Variants in DPP10 observed in about 807,000 individuals in gnomAD.
DPP10 encodes inactive dipeptidyl peptidase 10.
A neutral mutation model predicts 120.9 loss-of-function variants in DPP10; 33 were observed. The ratio of observed to expected loss-of-function variants is 0.27; its 90% confidence interval spans 0.21 to 0.37. The LOEUF (loss-of-function observed/expected upper bound fraction) is 0.37, where lower values mean the gene tolerates loss of function less well. Ranked by LOEUF, DPP10 falls within the 10% of genes least tolerant of loss-of-function variation. The pLI is 1.00. For synonymous variants in DPP10, 337 were observed against 326.1 expected (o/e 1.03, Z -0.36); for missense variants, 816 against 942.8 (o/e 0.87, Z 1.76).
chr2:115,250,590 C>T (rs770588381), intron 1 of DPP10, among the ~76,000 whole-genome samples: 6 of 152,004 alleles, frequency 3.9e-5, no homozygotes, highest in East Asian at 1.9e-4. Context: ...GCTCATAGTA[C>T]GGTTACATTA....
At chr2:115,384,888 G>C (rs565083292) in intron 3 of DPP10, among the ~76,000 whole-genome samples, 162 of 152,302 alleles carry the variant, frequency 1.1e-3, no homozygotes, top group African/African-American at 3.7e-3. Context: ...TATTGTGGGA[G>C]GGACCCAGTG....
At chr2:115,338,839 A>T (rs900828799) in intron 2 of DPP10, among the ~76,000 whole-genome samples, 1 of 152,188 alleles carries the variant, frequency 6.6e-6, no homozygotes, top group Non-Finnish European at 1.5e-5. Flanking sequence ...AAATAAAACT[A>T]TAACATTTTT....
At chr2:115,034,260 C>T (rs185088471) in intron 1 of DPP10, among the ~76,000 whole-genome samples, 85 of 152,126 alleles carry the variant, frequency 5.6e-4, no homozygotes, top group Non-Finnish European at 1.5e-4. Flanking sequence ...CTTTCTATGT[C>T]AGTTCATTTA....
At chr2:114,620,465 T>G (rs144566752) in intron 1 of DPP10, among the ~76,000 whole-genome samples, 1 of 152,138 alleles carries the variant, frequency 6.6e-6, no homozygotes, top group African/African-American at 2.4e-5. Context: ...TGGACTGACA[T>G]TATGATGGTT....
At chr2:115,464,729 C>T (rs913720945) in intron 3 of DPP10, among the ~76,000 whole-genome samples, 2 of 152,072 alleles carry the variant, frequency 1.3e-5, no homozygotes, top group Non-Finnish European at 2.9e-5. Context: ...GGGATGGATT[C>T]CAGACAGGTA....
chr2:115,717,844 A>G (rs1454203495), intron 7 of DPP10, among the ~76,000 whole-genome samples: 1 of 152,118 alleles, frequency 6.6e-6, no homozygotes, highest in Non-Finnish European at 1.5e-5. Context: ...CAGTTTTATT[A>G]TCTCAAAATT....
intron 1 of DPP10, among the ~76,000 whole-genome samples, chr2:115,267,678 A>T (rs1452440440): frequency 1.3e-5 from 2 of 151,866 alleles, no homozygotes; most frequent in Non-Finnish European, 2.9e-5. Context: ...GCATTTGTTT[A>T]TGCAGTTTCT....
intron 5 of DPP10, among the ~76,000 whole-genome samples, chr2:115,685,272 C>G (rs973926814): frequency 6.6e-6 from 1 of 151,920 alleles, no homozygotes. Flanking sequence ...GTTTGACACA[C>G]TAGCTGTATT....
At chr2:115,809,346 T>C (rs928253507) in intron 19 of DPP10, among the ~76,000 whole-genome samples, 1 of 152,210 alleles carries the variant, frequency 6.6e-6, no homozygotes, top group Non-Finnish European at 1.5e-5. Context: ...ATTATAAATC[T>C]CTATAAAGTA....
At chr2:114,659,297 C>G (rs1165340940) in intron 1 of DPP10, among the ~76,000 whole-genome samples, 1 of 151,430 alleles carries the variant, frequency 6.6e-6, no homozygotes, top group African/African-American at 2.4e-5. Flanking sequence ...TGAGAAGAGG[C>G]CGTGGATAAT....
At chr2:115,370,960 A>G (rs1206240419) in intron 3 of DPP10, among the ~76,000 whole-genome samples, 1 of 152,112 alleles carries the variant, frequency 6.6e-6, no homozygotes, top group East Asian at 1.9e-4. Flanking sequence ...AAAACAAAAT[A>G]ACTCCCATTT....
At chr2:114,885,218 C>T (rs1297225448) in intron 1 of DPP10, among the ~76,000 whole-genome samples, 1 of 152,114 alleles carries the variant, frequency 6.6e-6, no homozygotes, top group Admixed American at 6.5e-5. Context: ...ACAATCACGG[C>T]AGAAGCCAAA....
chr2:115,201,723 C>G lies in DPP10; in HGVS notation c.61-107516C>G, dbSNP rs550241708. On this transcript the variant is annotated intron_variant, in intron 1 of 25. Transcript: ENST00000410059. ...ATCCTTTCTTGAAAAATGACTCCAC[C>G]TCCTGCTCTGTATGTGCTCCCAGCC... 8.5e-5 allele frequency among the ~76,000 whole-genome samples: 13 copies of G among 152,278 alleles called. No homozygotes were observed. The East Asian group carries it at 1.7e-3, about 20-fold the overall frequency.
At chr2:115,198,926 TA>T (rs2055488388) in intron 1 of DPP10, among the ~76,000 whole-genome samples, 1 of 152,190 alleles carries the variant, frequency 6.6e-6, no homozygotes, top group African/African-American at 2.4e-5. Context: ...CCTTTTCTTC[TA>T]ATTCTTTGCC....
chr2:114,555,186 G>C (rs1688190115), intron 1 of DPP10, among the ~76,000 whole-genome samples: 2 of 152,314 alleles, frequency 1.3e-5, no homozygotes, highest in South Asian at 4.1e-4. Context: ...CAATAGTGAT[G>C]TGTTTCTGTG....
chr2:114,967,037 G>C (rs372177673), intron 1 of DPP10, among the ~76,000 whole-genome samples: 60 of 151,846 alleles, frequency 4.0e-4, no homozygotes, highest in Admixed American at 1.7e-3. Flanking sequence ...AGCAAAACTC[G>C]GTCCCAAAAA....
At chr2:114,493,016 C>T (rs891831615) in intron 1 of DPP10, among the ~76,000 whole-genome samples, 1 of 152,116 alleles carries the variant, frequency 6.6e-6, no homozygotes, top group Non-Finnish European at 1.5e-5. Context: ...TAGAAAGCTC[C>T]TGTGCTCCAG....
At chr2:114,774,610 A>G (rs986136315) in intron 1 of DPP10, among the ~76,000 whole-genome samples, 4 of 149,642 alleles carry the variant, frequency 2.7e-5, no homozygotes, top group African/African-American at 9.8e-5. Flanking sequence ...ATCACTGTTC[A>G]GAAGTTAACT....
At chr2:115,115,261 G>A (rs2049442344) in intron 1 of DPP10, among the ~76,000 whole-genome samples, 1 of 152,120 alleles carries the variant, frequency 6.6e-6, no homozygotes, top group African/African-American at 2.4e-5. Flanking sequence ...TCTGGGAAAT[G>A]GGTAAATGAC....
Sources: gnomAD v4.1 joint callset for allele counts (sites outside exome capture counted in the v4.1 genomes callset) on GRCh38, gnomAD v4.1.1 for gene constraint, MANE v1.5 for transcripts, NCBI Gene and HGNC (gene_info 2026-07-23, HGNC 2026-07-21) for gene names.